Variants in RNF216 observed in about 807,000 individuals in gnomAD.
The protein encoded by RNF216 is E3 ubiquitin-protein ligase RNF216.
RNF216 carries 72 observed loss-of-function variants against 110.8 expected under a neutral mutation model. The ratio of observed to expected loss-of-function variants is 0.65; its 90% CI spans 0.54 to 0.79. RNF216 has a LOEUF of 0.79. Ranked by LOEUF, RNF216 falls within the 30% of genes least tolerant of loss-of-function variation. The pLI is 0.00. For missense variants in RNF216, 1,342 were observed against 1,141.2 expected (o/e 1.18, Z -2.54); for synonymous variants, 495 against 407.5 (o/e 1.21, Z -2.59).
intron 13 of RNF216, among the ~76,000 whole-genome samples, chr7:5,693,773 G>A: frequency 6.6e-6 from 1 of 152,196 alleles, no homozygotes; most frequent in East Asian, 1.9e-4. Context: ...TAGGAAGCAA[G>A]AAGGCTGATG....
rs1791622913 is a variant in RNF216, at chr7:5,696,293, T to A, written c.2061+15468A>T. ...AAAAGGAGAATTAAGCAATTCTCTG[T>A]ATGCACATCACAGAGAAATTAAGCT... is the stretch of plus-strand genomic sequence containing the variant. On this transcript the variant is annotated intron_variant, in intron 13 of 16. Transcript: ENST00000389902. This position sits in a 1 kb window ranked among gnomAD's most constrained non-coding sequence, Gnocchi z 5.4. 6.6e-6 allele frequency among the ~76,000 whole-genome samples: 1 copy of A among 152,228 alleles called. No individual in the cohort carries two copies. The highest frequency in any genetic ancestry group is 2.4e-5 in the African/African-American group (1 of 41,458).
At chr7:5,633,832 G>A (rs934687223) in intron 15 of RNF216, among the ~76,000 whole-genome samples, 1 of 152,182 alleles carries the variant, frequency 6.6e-6, no homozygotes, top group African/African-American at 2.4e-5. Flanking sequence ...GACGGCAAGT[G>A]AGGTAGAATT....
At chr7:5,648,542 G>A (rs944369900) in intron 14 of RNF216, among the ~76,000 whole-genome samples, 6 of 151,564 alleles carry the variant, frequency 4.0e-5, no homozygotes, top group East Asian at 3.9e-4. Context: ...TGGTTAACAC[G>A]GTGAAACCCC....
chr7:5,688,580 T>G (rs763152375), intron 13 of RNF216, among the ~76,000 whole-genome samples: 31 of 152,334 alleles, frequency 2.0e-4, no homozygotes, highest in Non-Finnish European at 3.8e-4. Context: ...AAGAAAAAAG[T>G]TAAAGGCGCA....
chr7:5,776,519 C>T (rs371911172), intron 1 of RNF216, among the ~76,000 whole-genome samples: 6 of 140,568 alleles, frequency 4.3e-5, no homozygotes, highest in African/African-American at 1.6e-4. Flanking sequence ...GGCGAGAACC[C>T]GGGAGGCGGA....
chr7:5,769,961 A>G (rs1796406848), intron 1 of RNF216, among the ~76,000 whole-genome samples: 1 of 128,032 alleles, frequency 7.8e-6, no homozygotes, highest in African/African-American at 3.0e-5. Flanking sequence ...CAGGAGGCCA[A>G]GTTGCAGTGA....
intron 11 of RNF216, chr7:5,713,473 G>C (rs1212207896): frequency 6.6e-6 from 1 of 152,302 alleles, no homozygotes; most frequent in Non-Finnish European, 1.5e-5. Context: ...GAACTCTCCA[G>C]ACCTTTCCTC....
At chr7:5,673,654 T>C (rs564168423) in intron 13 of RNF216, among the ~76,000 whole-genome samples, 13 of 152,240 alleles carry the variant, frequency 8.5e-5, no homozygotes, top group African/African-American at 2.9e-4. Context: ...AAACACCCCA[T>C]ATCATCACAG....
intron 1 of RNF216, among the ~76,000 whole-genome samples, chr7:5,779,727 G>A (rs1028097549): frequency 2.0e-5 from 3 of 150,668 alleles, no homozygotes; most frequent in Non-Finnish European, 4.4e-5. Context: ...TACTCGGGAG[G>A]CTGAGGCAGG....
chr7:5,693,911 A>G (rs1437999442), intron 13 of RNF216, among the ~76,000 whole-genome samples: 1 of 152,178 alleles, frequency 6.6e-6, no homozygotes, highest in South Asian at 2.1e-4. Context: ...AAATGACACA[A>G]CGAAAATTAA....
At chr7:5,688,003 C>T (rs1446303140) in intron 13 of RNF216, among the ~76,000 whole-genome samples, 2 of 152,152 alleles carry the variant, frequency 1.3e-5, no homozygotes, top group Non-Finnish European at 2.9e-5. Context: ...GAGGGAAAAA[C>T]AGCCGTTTTG....
chr7:5,711,284 G>A (rs961319409), intron 13 of RNF216, among the ~76,000 whole-genome samples: 1 of 152,180 alleles, frequency 6.6e-6, no homozygotes, highest in African/African-American at 2.4e-5. Context: ...CTCATGAGGA[G>A]AAACAGTCAA....
chr7:5,730,634 C>T, intron 6 of RNF216, 81 bp downstream of exon 6: 6 of 1,592,814 alleles, frequency 3.8e-6, no homozygotes, highest in South Asian at 1.1e-5. Context: ...ACTTTCTTCC[C>T]ACAGAGATAA....
rs573213118 is a variant in RNF216 at position 5,720,153 on chromosome 7, G to C, written c.1644+880C>G. 5.3e-5 allele frequency among the ~76,000 whole-genome samples: 8 copies of C among 152,224 alleles called. No individual in the cohort carries two copies. In the East Asian group the frequency reaches 1.4e-3, roughly 26 times the overall value. Reference sequence around the variant, plus strand: ...GTTCTGCTGGTACAAACTCAATATGGTGAAAAAGCAAATATAGCTGAGCTT... The same window carrying C: ...GTTCTGCTGGTACAAACTCAATATGCTGAAAAAGCAAATATAGCTGAGCTT... On this transcript the variant is annotated intron_variant, in intron 9 of 16. Transcript: ENST00000389902.
chr7:5,771,520 G>A (rs1212408663), intron 1 of RNF216, among the ~76,000 whole-genome samples: 1 of 152,180 alleles, frequency 6.6e-6, no homozygotes, highest in Non-Finnish European at 1.5e-5. Flanking sequence ...ATCCCGGCGG[G>A]GTGCAGTGGC....
chr7:5,631,516 A>G (rs1026697382), intron 15 of RNF216, among the ~76,000 whole-genome samples: 5 of 152,138 alleles, frequency 3.3e-5, no homozygotes, highest in African/African-American at 1.2e-4. Context: ...GGTCCATCTC[A>G]AAGGCAGAAG....
intron 3 of RNF216, among the ~76,000 whole-genome samples, chr7:5,750,935 CT>C (rs57742641): frequency 0.98 from 149,055 of 152,302 alleles, 72,955 homozygotes; most frequent in Middle Eastern, 0.99. Context: ...GCGCTTCTTG[CT>C]TGCACACAGA....
At chr7:5,769,624 C>T (rs1796389517) in intron 1 of RNF216, among the ~76,000 whole-genome samples, 1 of 151,420 alleles carries the variant, frequency 6.6e-6, no homozygotes, top group Non-Finnish European at 1.5e-5. Flanking sequence ...CATGGGAGGC[C>T]GGGGAGGGAG....
rs185019198 is a variant in RNF216 at position 5,685,010 on chromosome 7, G to A, written c.2061+26751C>T. Among the ~76,000 whole-genome samples, 118 of 152,266 alleles carry A rather than the reference G, an allele frequency of 7.7e-4. 1 individual carries two copies. Among genetic ancestry groups the A allele is most frequent in the Admixed American group, 1.5e-3 (23 of 15,308 alleles). On this transcript the variant is annotated intron_variant, in intron 13 of 16. Transcript: ENST00000389902. ...GCAGTCTTTACACAGCATAGGTGGA[G>A]GGGTGAAGAGAGTGCCCAGGATTCT...
Sources: gnomAD v4.1 joint callset for allele counts (sites outside exome capture counted in the v4.1 genomes callset) on GRCh38, gnomAD v4.1.1 for gene constraint, Gnocchi (gnomAD v3.1) non-coding constraint, MANE v1.5 for transcripts, NCBI Gene and HGNC (gene_info 2026-07-23, HGNC 2026-07-21) for gene names.